EFHD1: variants seen among roughly 807,000 people sequenced by gnomAD.
EFHD1 encodes EF-hand domain-containing protein D1.
A neutral mutation model predicts 17.2 loss-of-function variants in EFHD1; 10 were observed. The observed-to-expected ratio is 0.58, with a 90% confidence interval of 0.36 to 0.99. The LOEUF (loss-of-function observed/expected upper bound fraction) is 0.99. EFHD1 is among the 50% of genes least tolerant of loss of function. The pLI, the probability that EFHD1 is intolerant of heterozygous loss-of-function variation, is 0.01. For synonymous variants in EFHD1, 153 were observed against 142.0 expected, an observed-to-expected ratio of 1.08 and a Z score of -0.55; for missense variants, 310 against 327.5, an observed-to-expected ratio of 0.95 and a Z score of 0.41.
intron 1 of EFHD1, among the ~76,000 whole-genome samples, chr2:232,642,878 C>A (rs1454073768): frequency 6.6e-6 from 1 of 152,142 alleles, no homozygotes; most frequent in African/African-American, 2.4e-5. Flanking sequence ...TGCTGTTCTG[C>A]CTGTATTACT....
exon 1 of EFHD1, chr2:232,606,075 C>A: frequency 6.8e-7 from 1 of 1,466,718 alleles, no homozygotes; most frequent in Non-Finnish European, 9.3e-7. Flanking sequence ...CAGGCGGATA[C>A]CCCGGCCTTG....
At chr2:232,606,134 T>A (rs1210969462) in exon 1 of EFHD1, 3 of 1,550,182 alleles carry the variant, frequency 1.9e-6, no homozygotes, top group South Asian at 2.4e-5. Flanking sequence ...CCAAGATCTG[T>A]AACGCTGACA....
At chr2:232,618,759 T>C (rs1693969449) in intron 1 of EFHD1, among the ~76,000 whole-genome samples, 2 of 150,460 alleles carry the variant, frequency 1.3e-5, no homozygotes, top group South Asian at 4.2e-4. Flanking sequence ...GGGAAATACA[T>C]GCTACAACTT....
intron 2 of EFHD1, among the ~76,000 whole-genome samples, chr2:232,667,520 T>C (rs1574731269): frequency 6.6e-6 from 1 of 151,734 alleles, no homozygotes; most frequent in Non-Finnish European, 1.5e-5. Context: ...GACATCTTAT[T>C]TTATTTTAAT....
chr2:232,617,921 C>G (rs1296755721), intron 1 of EFHD1, among the ~76,000 whole-genome samples: 1 of 148,352 alleles, frequency 6.7e-6, no homozygotes, highest in Non-Finnish European at 1.5e-5. Flanking sequence ...GGCACTCCAG[C>G]CTGGGTGGCA....
At chr2:232,673,107 T>C (rs1695109543) in intron 3 of EFHD1, among the ~76,000 whole-genome samples, 1 of 152,234 alleles carries the variant, frequency 6.6e-6, no homozygotes, top group Non-Finnish European at 1.5e-5. Flanking sequence ...GGGCACCGCA[T>C]TGAGCTCTAA....
At chr2:232,680,765 T>C (rs1041246262) in intron 3 of EFHD1, among the ~76,000 whole-genome samples, 7 of 151,912 alleles carry the variant, frequency 4.6e-5, no homozygotes, top group Non-Finnish European at 8.8e-5. Context: ...CGCTTCAGCC[T>C]CCCAAAGTGC....
rs554828584 is a variant in EFHD1, at chr2:232,672,326, C to G, written c.468C>G (p.His156Gln). Residue 156 changes from histidine to glutamine, a missense_variant, in exon 3 of 4, where the codon CAC becomes CAG. His to Gln is a conservative substitution (Grantham distance 24). Transcript: ENST00000264059. ...CCCTGTAGTTCCTGCTCATTTTCCACAAGGCCGCGGCAGGGGAGCTGCAGG... is the reference window on the plus strand; with the variant it reads ...CCCTGTAGTTCCTGCTCATTTTCCAGAAGGCCGCGGCAGGGGAGCTGCAGG... ...LSFREFLLIF[H>Q]KAAAGELQED... 7.9e-5 allele frequency: 127 copies of G among 1,614,194 alleles called. 1 individual carries two copies. The South Asian group carries it at 1.2e-3, about 15-fold the overall frequency.
At chr2:232,680,010 T>C (rs2106222194) in intron 3 of EFHD1, among the ~76,000 whole-genome samples, 1 of 152,260 alleles carries the variant, frequency 6.6e-6, no homozygotes. Flanking sequence ...TGGTGGCTTA[T>C]GCCTGTAATT....
At chr2:232,627,030 CTCTCTCTATATATA>C (rs1340967687) in intron 1 of EFHD1, among the ~76,000 whole-genome samples, 60 of 60,942 alleles carry the variant, frequency 9.8e-4, no homozygotes, top group Admixed American at 2.0e-3. Context: ...CTCTCTCTCT[CTCTCTCTATATATA>C]TATATATATA....
chr2:232,618,838 AT>A (rs1355913628), intron 1 of EFHD1, among the ~76,000 whole-genome samples: 1 of 152,054 alleles, frequency 6.6e-6, no homozygotes, highest in Non-Finnish European at 1.5e-5. Context: ...TTATATAATT[AT>A]TTTGGTATGA....
chr2:232,652,035 C>T (rs2106204780), intron 1 of EFHD1, among the ~76,000 whole-genome samples: 1 of 152,270 alleles, frequency 6.6e-6, no homozygotes, highest in South Asian at 2.1e-4. Flanking sequence ...GGCTGATCCA[C>T]CTTGGTGGGC....
chr2:232,619,374 G>T (rs1280980873), intron 1 of EFHD1, among the ~76,000 whole-genome samples: 3 of 148,530 alleles, frequency 2.0e-5, no homozygotes, highest in Admixed American at 6.7e-5. Context: ...GTGATGGCGC[G>T]ATCTCGGCTC....
intron 1 of EFHD1, among the ~76,000 whole-genome samples, chr2:232,616,308 T>TA (rs539006795): frequency 2.1e-3 from 326 of 152,186 alleles, no homozygotes; most frequent in African/African-American, 7.5e-3. Context: ...TTTATTTATT[T>TA]TTTTTTTTGA....
rs1491355435 is a variant in EFHD1 at position 232,614,083 on chromosome 2, A to ATGCACACACATTATACACACC, written c.14+7911_14+7912insGCACACACATTATACACACCT. Among the ~76,000 whole-genome samples the ATGCACACACATTATACACACC allele has an allele frequency of 5.4e-3, 808 of 150,264 alleles. 7 individuals carry two copies. The highest frequency in any genetic ancestry group is 0.018 in the African/African-American group (735 of 40,982). On this transcript the variant is annotated intron_variant, in intron 1 of 3. Transcript: ENST00000409613. ...ACACATGCACACACATTATACACAC[A>ATGCACACACATTATACACACC]TATATACACACATACACATGTATTA...
intron 1 of EFHD1, among the ~76,000 whole-genome samples, chr2:232,643,688 TTTG>T (rs944004868): frequency 1.4e-4 from 21 of 151,646 alleles, no homozygotes; most frequent in Admixed American, 5.9e-4. Flanking sequence ...TTTGTTTGTT[TTTG>T]TTGTTGTTGT....
At chr2:232,679,638 C>T (rs564611139) in intron 3 of EFHD1, among the ~76,000 whole-genome samples, 18 of 148,096 alleles carry the variant, frequency 1.2e-4, no homozygotes, top group East Asian at 6.2e-4. Flanking sequence ...CGCTTGAGCT[C>T]GGGAGTTCGA....
At chr2:232,664,614 T>G (rs1250775537) in intron 2 of EFHD1, among the ~76,000 whole-genome samples, 3 of 135,276 alleles carry the variant, frequency 2.2e-5, no homozygotes, top group Non-Finnish European at 3.2e-5. Context: ...TAGTTTTTTT[T>G]TTTTTTTTTT....
chr2:232,649,494 G>C (rs970399111), intron 1 of EFHD1, among the ~76,000 whole-genome samples: 8 of 152,148 alleles, frequency 5.3e-5, no homozygotes, highest in Non-Finnish European at 1.2e-4. Flanking sequence ...GGCGGATTTG[G>C]GTTTTCCCCA....
Sources: allele counts gnomAD v4.1 joint callset (sites outside exome capture counted in the v4.1 genomes callset), GRCh38; gene constraint gnomAD v4.1.1; transcripts MANE v1.5; gene names NCBI Gene and HGNC (gene_info 2026-07-23, HGNC 2026-07-21).